CSTF3: variants seen among roughly 807,000 people sequenced by gnomAD.
CSTF3 encodes the protein cleavage stimulation factor subunit 3.
Under a neutral mutation model 105.8 loss-of-function variants are expected in CSTF3, and 29 were observed. The observed-to-expected ratio is 0.27, with a 90% confidence interval of 0.20 to 0.37. CSTF3 has a LOEUF of 0.37. Among genes scored for constraint, CSTF3 ranks in the 10% least tolerant of loss-of-function variants. The pLI, the probability that CSTF3 is intolerant of heterozygous loss-of-function variation, is 1.00. For missense variants in CSTF3, 357 were observed against 879.3 expected, an observed-to-expected ratio of 0.41 and a Z score of 7.51; for synonymous variants, 252 against 281.9, an observed-to-expected ratio of 0.89 and a Z score of 1.06.
chr11:33,124,597 G>A (rs1158071669), intron 3 of CSTF3, among the ~76,000 whole-genome samples: 1 of 152,084 alleles, frequency 6.6e-6, no homozygotes, highest in East Asian at 1.9e-4. Flanking sequence ...ATTCCAGTAA[G>A]AGTCCTTTCA....
intron 15 of CSTF3, among the ~76,000 whole-genome samples, chr11:33,092,969 GT>G: frequency 6.6e-6 from 1 of 152,136 alleles, no homozygotes; most frequent in South Asian, 2.1e-4. Context: ...TAAACTCTAA[GT>G]TATCTTTTAA....
intron 15 of CSTF3, among the ~76,000 whole-genome samples, chr11:33,095,653 C>A (rs1224926472): frequency 6.6e-6 from 1 of 151,218 alleles, no homozygotes; most frequent in Non-Finnish European, 1.5e-5. Context: ...AACCCTGTCT[C>A]TACTAAAAAT....
At chr11:33,148,860 G>GT (rs551371475) in intron 1 of CSTF3, among the ~76,000 whole-genome samples, 60,810 of 133,570 alleles carry the variant, frequency 0.46, 15,051 homozygotes, top group Middle Eastern at 0.57. Flanking sequence ...CTGTTGCTGT[G>GT]TTTTTTTTTT....
chr11:33,118,156 A>G (rs1309224357), intron 3 of CSTF3, among the ~76,000 whole-genome samples: 2 of 151,132 alleles, frequency 1.3e-5, no homozygotes, highest in Non-Finnish European at 3.0e-5. Context: ...GGAGTAATTC[A>G]TTGGTATTTT....
Position 33,099,590 on chromosome 11 carries a change from T to C in CSTF3, c.936+18A>G, listed in dbSNP as rs573935089. The C allele has an allele frequency of 1.4e-6, 2 of 1,476,056 alleles. No individual in the cohort carries two copies. Among genetic ancestry groups the C allele is most frequent in the South Asian group, 1.2e-5 (1 of 83,118 alleles). 91.4% of individuals were successfully genotyped at this position (1,476,056 alleles called of 1,614,324 possible). ...AACCACAAAAATATCAAAGTGGGGA[T>C]AGGGAAGGAACACTTACTCCCTTTT... is the stretch of plus-strand genomic sequence containing the variant. On this transcript the variant is annotated intron_variant, in intron 11 of 20. Transcript: ENST00000323959. This position sits in a 1 kb window ranked among gnomAD's most constrained non-coding sequence, Gnocchi z 4.1.
chr11:33,087,745 A>G (rs749926029), intron 17 of CSTF3, among the ~76,000 whole-genome samples: 7 of 152,270 alleles, frequency 4.6e-5, no homozygotes, highest in Admixed American at 1.3e-4. Flanking sequence ...GAAGGGACTG[A>G]AGCTCACAAA....
intron 5 of CSTF3, 72 bp downstream of exon 5, chr11:33,107,831 G>A: frequency 1.3e-6 from 1 of 799,978 alleles, no homozygotes; most frequent in Non-Finnish European, 2.0e-6. Context: ...GCTAACAGAA[G>A]GTGTGAGTTT....
In CSTF3 at chr11:33,099,570, C is replaced by CA; in HGVS notation, c.936+37dup. 7.3e-7 allele frequency: 1 copy of CA among 1,371,520 alleles called. No homozygotes were observed. The highest frequency in any genetic ancestry group is 1.4e-5 in the African/African-American group (1 of 69,594). 85.0% of individuals were successfully genotyped at this position (1,371,520 alleles called of 1,614,324 possible). A position where few individuals can be genotyped will look rare whatever the true frequency, so the allele number is the denominator to read the frequency against. ...GTAAATAATTGCTATATCAAAACCA[C>CA]AAAAATATCAAAGTGGGGATAGGGA... is the stretch of plus-strand genomic sequence containing the variant. On this transcript the variant is annotated intron_variant, in intron 11 of 20. Transcript: ENST00000323959. The surrounding 1 kb of genome is among the most constrained non-coding windows in gnomAD (Gnocchi z 4.1).
Position 33,092,184 on chromosome 11 carries a change from C to G in CSTF3, c.1445+87G>C, listed in dbSNP as rs978922389. ...AAGGAAATTTCTCTTGAAACTCATA[C>G]TCAAGCAAACATTCACCCCATAGAC... On this transcript the variant is annotated intron_variant, in intron 16 of 20. Transcript: ENST00000323959. 38 of 825,942 alleles carry G rather than the reference C, an allele frequency of 4.6e-5. No homozygotes were observed. The South Asian group carries it at 6.5e-4, about 14-fold the overall frequency. The allele number at this position is 825,942 out of a possible 1,614,324, so 51.2% of individuals were successfully genotyped here.
intron 1 of CSTF3, among the ~76,000 whole-genome samples, chr11:33,161,075 T>C (rs910653628): frequency 2.0e-5 from 3 of 152,164 alleles, no homozygotes; most frequent in Non-Finnish European, 4.4e-5. Context: ...CCTACCGCTA[T>C]TGTCTAAATC....
intron 20 of CSTF3, 35 bp from the exon 21 acceptor site, chr11:33,085,324 T>C: frequency 6.8e-7 from 1 of 1,479,176 alleles, no homozygotes; most frequent in Non-Finnish European, 9.1e-7. Context: ...TAAAAACATA[T>C]TCCACTATGA....
chr11:33,085,961 TC>T lies in CSTF3; in HGVS notation c.1823del (p.Gly608GlufsTer12). On this transcript the variant is annotated frameshift_variant, in exon 19 of 21. Coordinates refer to ENST00000323959, the MANE Select transcript of CSTF3 (RefSeq NM_001326.3). LOFTEE classifies it high-confidence loss of function. ...CAGCTGCAGGAGGGACTGGGAACAC[TC>T]CACCAGGTACAGGGTGTAAACCTGG... ...APPGLHPVPG[G>X]VFPVPPAAVV... 6.6e-7 allele frequency: 1 copy of T among 1,523,664 alleles called. No individual in the cohort carries two copies. The highest frequency in any genetic ancestry group is 8.8e-7 in the Non-Finnish European group (1 of 1,139,832). The allele number at this position is 1,523,664 out of a possible 1,614,324, so 94.4% of individuals were successfully genotyped here. A position where few individuals can be genotyped will look rare whatever the true frequency, so the allele number is the denominator to read the frequency against.
chr11:33,127,905 G>C (rs1198094082), intron 3 of CSTF3, among the ~76,000 whole-genome samples: 2 of 151,998 alleles, frequency 1.3e-5, no homozygotes, highest in Non-Finnish European at 2.9e-5. Context: ...TGTCCCTTTG[G>C]TAAAATTATC....
intron 10 of CSTF3, among the ~76,000 whole-genome samples, chr11:33,100,123 A>G (rs7125136): frequency 0.56 from 84,437 of 151,730 alleles, 26,082 homozygotes; most frequent in Non-Finnish European, 0.69. Flanking sequence ...CTGGGAGGCC[A>G]AGGCAGGCGG....
At position 33,111,859 on chromosome 11, in the gene CSTF3, ATAT is replaced by A. The variant is rs1289431738; in HGVS notation, c.226-3444_226-3442del. Among the ~76,000 whole-genome samples, 19 of 152,338 alleles carry A rather than the reference ATAT, an allele frequency of 1.2e-4. No individual in the cohort carries two copies. In the East Asian group the frequency reaches 2.3e-3, roughly 19 times the overall value. On this transcript the variant is annotated intron_variant, in intron 3 of 20. Coordinates refer to ENST00000323959, the MANE Select transcript of CSTF3 (RefSeq NM_001326.3). ...TGTCATTCATTAATGCAACCAGTAA[ATAT>A]TATTTGAGAGACCTTCTACAGAGCT...
At chr11:33,131,285 T>C (rs1855596163) in intron 3 of CSTF3, among the ~76,000 whole-genome samples, 2 of 152,228 alleles carry the variant, frequency 1.3e-5, no homozygotes, top group Non-Finnish European at 2.9e-5. Flanking sequence ...TTAAATTCTC[T>C]GAAGCAATTT....
At chr11:33,091,404 C>T (rs1421772426) in intron 16 of CSTF3, among the ~76,000 whole-genome samples, 1 of 152,068 alleles carries the variant, frequency 6.6e-6, no homozygotes, top group Admixed American at 6.6e-5. Flanking sequence ...CACAAAAAAT[C>T]CTACACTGGT....
At chr11:33,124,508 T>C (rs1855524074) in intron 3 of CSTF3, among the ~76,000 whole-genome samples, 1 of 152,100 alleles carries the variant, frequency 6.6e-6, no homozygotes, top group South Asian at 2.1e-4. Context: ...ATAATTCTAC[T>C]TATAATAAAC....
intron 18 of CSTF3, among the ~76,000 whole-genome samples, chr11:33,086,257 T>A (rs758441071): frequency 6.6e-6 from 1 of 152,152 alleles, no homozygotes; most frequent in Non-Finnish European, 1.5e-5. Flanking sequence ...TGTTTCTGAG[T>A]TACACAAGTC....
Sources: gnomAD v4.1 joint callset for allele counts (sites outside exome capture counted in the v4.1 genomes callset) on GRCh38, gnomAD v4.1.1 for gene constraint, Gnocchi (gnomAD v3.1) non-coding constraint, MANE v1.5 for transcripts, NCBI Gene and HGNC (gene_info 2026-07-23, HGNC 2026-07-21) for gene names.